The following MACROD2 variants were observed in gnomAD, a reference collection of about 807,000 sequenced individuals.
MACROD2 encodes the protein mono-ADP ribosylhydrolase 2.
Under a neutral mutation model 70.4 loss-of-function variants are expected in MACROD2, and 36 were observed. The observed-to-expected ratio is 0.51, with a 90% CI of 0.39 to 0.68. The LOEUF (loss-of-function observed/expected upper bound fraction) is 0.68. Among genes scored for constraint, MACROD2 ranks in the 30% least tolerant of loss-of-function variants. MACROD2 has a pLI of 0.00. For missense variants in MACROD2, 496 were observed against 538.4 expected, an observed-to-expected ratio of 0.92 and a Z score of 0.78; for synonymous variants, 172 against 178.8, an observed-to-expected ratio of 0.96 and a Z score of 0.30.
intron 2 of MACROD2, among the ~76,000 whole-genome samples, chr20:14,082,177 CT>C (rs66918191): frequency 3.2e-5 from 3 of 93,172 alleles, no homozygotes; most frequent in Admixed American, 1.7e-4. Flanking sequence ...CTTTTTTTTT[CT>C]TTTTTTTTTT....
At chr20:14,061,465 T>C (rs893722150) in intron 2 of MACROD2, among the ~76,000 whole-genome samples, 4 of 152,132 alleles carry the variant, frequency 2.6e-5, no homozygotes, top group Admixed American at 6.5e-5. Context: ...GTGCATATAT[T>C]TATGGTTTCA....
intron 5 of MACROD2, among the ~76,000 whole-genome samples, chr20:15,091,335 T>G (rs1328900099): frequency 6.6e-6 from 1 of 151,626 alleles, no homozygotes; most frequent in Admixed American, 6.6e-5. Flanking sequence ...AGGGAAGGAC[T>G]TAAAAAATAA....
intron 5 of MACROD2, among the ~76,000 whole-genome samples, chr20:14,761,819 A>C (rs2072019536): frequency 1.3e-5 from 2 of 152,106 alleles, no homozygotes; most frequent in African/African-American, 2.4e-5. Context: ...TAAACCTAGG[A>C]GCTCCTTACT....
At chr20:14,812,899 C>A (rs965285154) in intron 5 of MACROD2, among the ~76,000 whole-genome samples, 3 of 152,076 alleles carry the variant, frequency 2.0e-5, no homozygotes, top group Non-Finnish European at 4.4e-5. Flanking sequence ...ATGCCAGTAG[C>A]AAGCCCCAGG....
At chr20:16,038,443 G>A (rs191153827) in intron 15 of MACROD2, among the ~76,000 whole-genome samples, 63 of 151,096 alleles carry the variant, frequency 4.2e-4, no homozygotes, top group Non-Finnish European at 8.4e-4. Context: ...ATCTTTTTCC[G>A]ACCTAGCTTT....
chr20:14,135,075 T>G (rs1287158477), intron 3 of MACROD2, among the ~76,000 whole-genome samples: 1 of 152,136 alleles, frequency 6.6e-6, no homozygotes, highest in Non-Finnish European at 1.5e-5. Flanking sequence ...CCATTTACTG[T>G]GTAATTGGTA....
intron 15 of MACROD2, among the ~76,000 whole-genome samples, chr20:16,012,742 T>C (rs1034112377): frequency 6.6e-6 from 1 of 152,228 alleles, no homozygotes; most frequent in African/African-American, 2.4e-5. Flanking sequence ...TAGAGCAGAA[T>C]GTCAATGTTA....
At chr20:16,010,934 C>T (rs2066855112) in intron 15 of MACROD2, among the ~76,000 whole-genome samples, 1 of 152,202 alleles carries the variant, frequency 6.6e-6, no homozygotes, top group South Asian at 2.1e-4. Flanking sequence ...GAAACCAAGC[C>T]AGTGCTTTTC....
At chr20:14,797,496 C>G (rs1407763703) in intron 5 of MACROD2, among the ~76,000 whole-genome samples, 1 of 151,996 alleles carries the variant, frequency 6.6e-6, no homozygotes, top group African/African-American at 2.4e-5. Context: ...CCCCTTCACC[C>G]TCAGCGCCTT....
rs1340788834 is a variant in MACROD2 at position 15,723,445 on chromosome 20, C to T, written c.646-139300C>T. Among the ~76,000 whole-genome samples the T allele has an allele frequency of 3.9e-5, 6 of 152,164 alleles. No homozygotes were observed. The East Asian group carries it at 7.7e-4, about 20-fold the overall frequency. On this transcript the variant is annotated intron_variant, in intron 8 of 17. Coordinates refer to ENST00000684519, the MANE Select transcript of MACROD2 (RefSeq NM_001351661.2). ...AATTCTCTGTGCTCTGCCTATTCACCTCTCCCGCTCCCAACCCACTGACGA... is the reference window on the plus strand; with the variant it reads ...AATTCTCTGTGCTCTGCCTATTCACTTCTCCCGCTCCCAACCCACTGACGA...
chr20:14,258,234 TC>T (rs1175414227), intron 3 of MACROD2, among the ~76,000 whole-genome samples: 1 of 152,196 alleles, frequency 6.6e-6, no homozygotes, highest in Non-Finnish European at 1.5e-5. Context: ...TGACTTCTTT[TC>T]CTCTGGGTAG....
At chr20:15,201,248 T>A (rs1199588755) in intron 5 of MACROD2, among the ~76,000 whole-genome samples, 1 of 152,166 alleles carries the variant, frequency 6.6e-6, no homozygotes, top group Non-Finnish European at 1.5e-5. Flanking sequence ...GATCTCAGTT[T>A]CCTCACCTGT....
intron 5 of MACROD2, among the ~76,000 whole-genome samples, chr20:14,758,495 T>C (rs2071971962): frequency 6.6e-6 from 1 of 152,148 alleles, no homozygotes; most frequent in African/African-American, 2.4e-5. Context: ...TTTCAAAACG[T>C]GGACTGGGAT....
chr20:15,113,196 A>AT (rs148089721), intron 5 of MACROD2, among the ~76,000 whole-genome samples: 26 of 151,964 alleles, frequency 1.7e-4, no homozygotes, highest in Admixed American at 5.9e-4. Flanking sequence ...AATGCAATAC[A>AT]TTTTTTTTCC....
intron 6 of MACROD2, among the ~76,000 whole-genome samples, chr20:15,314,272 C>T (rs947558365): frequency 2.0e-5 from 3 of 150,322 alleles, no homozygotes; most frequent in East Asian, 1.9e-4. Flanking sequence ...AATGCTTAAT[C>T]GAAAAAGAAA....
At chr20:14,778,204 G>C (rs780229408) in intron 5 of MACROD2, among the ~76,000 whole-genome samples, 1 of 152,070 alleles carries the variant, frequency 6.6e-6, no homozygotes, top group Non-Finnish European at 1.5e-5. Context: ...GAAGTAATAG[G>C]GAAGTAGTAT....
chr20:14,567,486 G>A (rs923463661), intron 4 of MACROD2, among the ~76,000 whole-genome samples: 1 of 152,074 alleles, frequency 6.6e-6, no homozygotes, highest in African/African-American at 2.4e-5. Context: ...CTCAGTGACT[G>A]TTAGAATGAC....
intron 6 of MACROD2, among the ~76,000 whole-genome samples, chr20:15,426,407 G>A (rs527380026): frequency 6.6e-6 from 1 of 152,014 alleles, no homozygotes; most frequent in East Asian, 1.9e-4. Flanking sequence ...TGTAGTGGTG[G>A]AATCATGGCT....
intron 2 of MACROD2, among the ~76,000 whole-genome samples, chr20:14,063,447 C>A (rs368489089): frequency 9.2e-5 from 14 of 152,264 alleles, no homozygotes; most frequent in African/African-American, 3.4e-4. Flanking sequence ...TGAAACTGTT[C>A]TTGCCATGGT....
Sources: gnomAD v4.1 joint callset for allele counts (sites outside exome capture counted in the v4.1 genomes callset) on GRCh38, gnomAD v4.1.1 for gene constraint, MANE v1.5 for transcripts, NCBI Gene and HGNC (gene_info 2026-07-23, HGNC 2026-07-21) for gene names.